The following CFAP299 variants were observed in gnomAD, a reference collection of about 807,000 sequenced individuals.
CFAP299 encodes cilia- and flagella-associated protein 299.
In CFAP299, 21 loss-of-function variants were observed where a neutral mutation model predicts 27.0. That is an observed-to-expected ratio of 0.78 (90% CI 0.55 to 1.12). The LOEUF is 1.12. Among genes scored for constraint, CFAP299 ranks in the 50% most tolerant of loss-of-function variants. The pLI, the probability that CFAP299 is intolerant of heterozygous loss-of-function variation, is 0.00. For synonymous variants in CFAP299, 104 were observed against 98.1 expected (o/e 1.06, Z -0.36); for missense variants, 310 against 276.6 (o/e 1.12, Z -0.86).
intron 2 of CFAP299, among the ~76,000 whole-genome samples, chr4:80,551,911 G>A (rs1413551886): frequency 1.3e-5 from 2 of 152,050 alleles, no homozygotes; most frequent in Admixed American, 1.3e-4. Flanking sequence ...ACCATGCCCA[G>A]CTAATTTTTG....
chr4:80,780,663 A>T (rs1474166208), intron 3 of CFAP299, among the ~76,000 whole-genome samples: 3 of 152,038 alleles, frequency 2.0e-5, no homozygotes, highest in Non-Finnish European at 1.5e-5. Flanking sequence ...TTAATAAAAA[A>T]TTTTGTCTGA....
chr4:80,820,168 A>G (rs1328515163), intron 3 of CFAP299, among the ~76,000 whole-genome samples: 5 of 152,274 alleles, frequency 3.3e-5, no homozygotes, highest in East Asian at 1.9e-4. Flanking sequence ...TCAACATCCT[A>G]TAGTGCTATA....
chr4:80,924,895 G>T (rs1288407101), intron 4 of CFAP299, among the ~76,000 whole-genome samples: 1 of 151,260 alleles, frequency 6.6e-6, no homozygotes, highest in Non-Finnish European at 1.5e-5. Flanking sequence ...TTTATTTTCT[G>T]TGATCTATCT....
intron 4 of CFAP299, among the ~76,000 whole-genome samples, chr4:80,885,298 A>T (rs77206437): frequency 6.6e-6 from 1 of 152,134 alleles, no homozygotes; most frequent in Admixed American, 6.5e-5. Context: ...GGACACAAGG[A>T]CTGCAATCAA....
intron 3 of CFAP299, among the ~76,000 whole-genome samples, chr4:80,799,573 AT>A (rs1450160942): frequency 1.3e-5 from 1 of 74,388 alleles, no homozygotes; most frequent in African/African-American, 5.8e-5. Context: ...AAATATATAT[AT>A]TTATAAAATA....
chr4:80,887,504 GAAAT>G (rs879898079), intron 4 of CFAP299, among the ~76,000 whole-genome samples: 22 of 152,024 alleles, frequency 1.4e-4, no homozygotes, highest in Non-Finnish European at 2.9e-4. Flanking sequence ...GCATGAAGGA[GAAAT>G]AAATAACTTC....
At chr4:80,405,619 ACTT>A (rs1560552005) in intron 2 of CFAP299, among the ~76,000 whole-genome samples, 1 of 152,032 alleles carries the variant, frequency 6.6e-6, no homozygotes, top group Non-Finnish European at 1.5e-5. Context: ...AGAATGGGGT[ACTT>A]CTTATGGTTT....
At chr4:80,542,649 A>G (rs914286698) in intron 2 of CFAP299, among the ~76,000 whole-genome samples, 4 of 152,126 alleles carry the variant, frequency 2.6e-5, no homozygotes, top group African/African-American at 9.7e-5. Context: ...GCTCTCTGCC[A>G]GTCCCTTCCA....
chr4:80,955,594 G>A (rs1738026942), intron 5 of CFAP299, among the ~76,000 whole-genome samples: 1 of 152,192 alleles, frequency 6.6e-6, no homozygotes, highest in South Asian at 2.1e-4. Context: ...TATGATACAT[G>A]CATACAAAGA....
intron 3 of CFAP299, among the ~76,000 whole-genome samples, chr4:80,620,302 T>C (rs1376186771): frequency 6.6e-6 from 1 of 152,098 alleles, no homozygotes; most frequent in Admixed American, 6.6e-5. Context: ...AGTAATACCA[T>C]TATACCATGT....
chr4:80,473,042 G>A (rs1196296723), intron 2 of CFAP299, among the ~76,000 whole-genome samples: 1 of 152,122 alleles, frequency 6.6e-6, no homozygotes, highest in Non-Finnish European at 1.5e-5. Context: ...AAGATAATCA[G>A]CTCCTTCCCT....
intron 3 of CFAP299, among the ~76,000 whole-genome samples, chr4:80,848,813 G>T (rs1731326874): frequency 6.6e-6 from 1 of 151,928 alleles, no homozygotes; most frequent in African/African-American, 2.4e-5. Context: ...AACAGTATAA[G>T]AGATAAAAAA....
intron 2 of CFAP299, among the ~76,000 whole-genome samples, chr4:80,445,644 C>A (rs1728582637): frequency 6.6e-6 from 1 of 151,960 alleles, no homozygotes; most frequent in Admixed American, 6.6e-5. Flanking sequence ...GCACATTCTG[C>A]ACATGTATCC....
chr4:80,832,023 G>C (rs956084877), intron 3 of CFAP299, among the ~76,000 whole-genome samples: 1 of 152,062 alleles, frequency 6.6e-6, no homozygotes, highest in Non-Finnish European at 1.5e-5. Context: ...TCCAAATAAG[G>C]CTTCCATAGA....
intron 2 of CFAP299, among the ~76,000 whole-genome samples, chr4:80,499,405 A>C (rs78135762): frequency 0.061 from 9,247 of 152,248 alleles, 346 homozygotes; most frequent in South Asian, 0.17. Context: ...AATATGCTTC[A>C]AAATGACTTT....
chr4:80,767,218 CAAAG>C (rs1725922596), intron 3 of CFAP299, among the ~76,000 whole-genome samples: 1 of 151,912 alleles, frequency 6.6e-6, no homozygotes, highest in Non-Finnish European at 1.5e-5. Context: ...ATAAATTAGA[CAAAG>C]AGGTTAATAA....
intron 4 of CFAP299, among the ~76,000 whole-genome samples, chr4:80,902,827 T>A (rs1242004249): frequency 6.6e-6 from 1 of 151,950 alleles, no homozygotes; most frequent in East Asian, 1.9e-4. Context: ...AATCAGAGAA[T>A]AAATTATCTT....
chr4:80,883,488 A>G (rs1045363798), intron 4 of CFAP299, among the ~76,000 whole-genome samples: 2 of 152,182 alleles, frequency 1.3e-5, no homozygotes, highest in African/African-American at 4.8e-5. Context: ...AAAAAAGTGG[A>G]TGAAAGGATA....
At chr4:80,449,400 C>A (rs943399379) in intron 2 of CFAP299, among the ~76,000 whole-genome samples, 3 of 151,808 alleles carry the variant, frequency 2.0e-5, no homozygotes, top group Admixed American at 2.0e-4. Context: ...ATTATCTCAA[C>A]CTTCATTCTA....
Sources: allele counts gnomAD v4.1 joint callset (sites outside exome capture counted in the v4.1 genomes callset), GRCh38; gene constraint gnomAD v4.1.1; transcripts MANE v1.5; gene names NCBI Gene and HGNC (gene_info 2026-07-23, HGNC 2026-07-21).